PVT1: variants seen among roughly 807,000 people sequenced by gnomAD.
PVT1 encodes CXCR4/PVT1 fusion.
chr8:128,082,026 G>A (rs1220924782), intron 5 of PVT1, among the ~76,000 whole-genome samples: 5 of 152,238 alleles, frequency 3.3e-5, no homozygotes, highest in Middle Eastern at 3.4e-3. Context: ...GCCCAAAGAC[G>A]CCCAAAATGG....
chr8:127,842,456 G>A (rs946749980), intron 2 of PVT1, among the ~76,000 whole-genome samples: 1 of 151,742 alleles, frequency 6.6e-6, no homozygotes, highest in African/African-American at 2.4e-5. Context: ...TGTAGAGATA[G>A]GGTCTCTCTT....
chr8:127,955,062 C>T, intron 3 of PVT1, among the ~76,000 whole-genome samples: 1 of 152,126 alleles, frequency 6.6e-6, no homozygotes. Context: ...GTGCCAAGGA[C>T]CTCAGAATAT....
At chr8:127,825,887 G>A (rs1219703964) in intron 2 of PVT1, among the ~76,000 whole-genome samples, 2 of 151,896 alleles carry the variant, frequency 1.3e-5, no homozygotes, top group Non-Finnish European at 2.9e-5. Context: ...GTCTTACTCT[G>A]TTGCCCAAGC....
At chr8:127,964,832 T>C (rs907259275) in intron 3 of PVT1, among the ~76,000 whole-genome samples, 1 of 150,228 alleles carries the variant, frequency 6.7e-6, no homozygotes, top group East Asian at 1.9e-4. Flanking sequence ...TATTATTTTA[T>C]TGATTTATTT....
At chr8:127,799,428 G>T (rs1814436908) in intron 2 of PVT1, among the ~76,000 whole-genome samples, 1 of 152,138 alleles carries the variant, frequency 6.6e-6, no homozygotes, top group Non-Finnish European at 1.5e-5. Flanking sequence ...AAAAAATAAA[G>T]AAAGAACTGC....
At chr8:128,001,655 G>A (rs911900576) in intron 4 of PVT1, among the ~76,000 whole-genome samples, 10 of 152,188 alleles carry the variant, frequency 6.6e-5, no homozygotes, top group Non-Finnish European at 1.5e-4. Flanking sequence ...TTGCTCCCAT[G>A]TTCATCCATG....
At chr8:127,954,071 T>G (rs1250435022) in intron 3 of PVT1, among the ~76,000 whole-genome samples, 4 of 152,200 alleles carry the variant, frequency 2.6e-5, no homozygotes, top group Admixed American at 2.0e-4. Context: ...CATGGACTTT[T>G]GCCACTGCTT....
intron 6 of PVT1, among the ~76,000 whole-genome samples, chr8:128,098,493 G>A (rs945378681): frequency 6.6e-5 from 10 of 152,188 alleles, no homozygotes; most frequent in Non-Finnish European, 1.0e-4. Context: ...ATCCGGTTGC[G>A]GCCTCTCGGC....
chr8:128,012,998 G>T (rs1344852700), intron 4 of PVT1, among the ~76,000 whole-genome samples: 2 of 152,160 alleles, frequency 1.3e-5, no homozygotes, highest in African/African-American at 4.8e-5. Context: ...GCATGAAGGG[G>T]CCTGCTATGT....
rs182758126 is a variant in PVT1, at chr8:128,067,677, G to A, written n.913-2483G>A. Among the ~76,000 whole-genome samples, 151 of 152,202 alleles carry A rather than the reference G, an allele frequency of 9.9e-4. 1 individual carries two copies. Among genetic ancestry groups the A allele is most frequent in the African/African-American group, 3.5e-3 (146 of 41,540 alleles). On this transcript the variant is annotated intron_variant and non_coding_transcript_variant, in intron 4 of 10. Transcript: ENST00000651587. Reference sequence around the variant, plus strand: ...CAGAGGAGCCAGAGGAATGCTCTGTGGAGATCCCAACCCAGGCCTGGGCTG... The same window carrying A: ...CAGAGGAGCCAGAGGAATGCTCTGTAGAGATCCCAACCCAGGCCTGGGCTG...
chr8:128,049,709 A>G (rs1339911997), intron 4 of PVT1, among the ~76,000 whole-genome samples: 3 of 152,294 alleles, frequency 2.0e-5, no homozygotes, highest in Non-Finnish European at 2.9e-5. Context: ...CAGGGGGCCT[A>G]TCCTTCCACT....
intron 3 of PVT1, among the ~76,000 whole-genome samples, chr8:127,920,626 T>C (rs1816045427): frequency 2.0e-5 from 3 of 152,250 alleles, no homozygotes; most frequent in Admixed American, 2.0e-4. Context: ...TACTACTAGT[T>C]GATTTATGTG....
intron 2 of PVT1, among the ~76,000 whole-genome samples, chr8:127,876,595 G>C (rs982396510): frequency 5.9e-5 from 9 of 151,708 alleles, no homozygotes; most frequent in African/African-American, 2.2e-4. Context: ...GATGATATTA[G>C]CATTACCCGT....
chr8:127,855,476 G>A (rs1172717950), intron 2 of PVT1, among the ~76,000 whole-genome samples: 1 of 152,212 alleles, frequency 6.6e-6, no homozygotes, highest in African/African-American at 2.4e-5. Flanking sequence ...CCCTCCTTTA[G>A]TCAGGTGGCT....
intron 2 of PVT1, among the ~76,000 whole-genome samples, chr8:127,860,465 C>G (rs1264813876): frequency 1.3e-5 from 2 of 152,042 alleles, no homozygotes; most frequent in Admixed American, 6.6e-5. Flanking sequence ...ATAGGCAGCC[C>G]TGTAGAGAAG....
intron 3 of PVT1, among the ~76,000 whole-genome samples, chr8:127,923,169 G>A (rs1346782743): frequency 6.6e-6 from 1 of 152,254 alleles, no homozygotes; most frequent in African/African-American, 2.4e-5. Context: ...GACAAGTGAG[G>A]TTTAGAGTTA....
At chr8:127,896,806 A>G (rs925052752) in intron 3 of PVT1, among the ~76,000 whole-genome samples, 6 of 134,700 alleles carry the variant, frequency 4.5e-5, no homozygotes, top group South Asian at 2.8e-4. Flanking sequence ...ACAGGCCCCA[A>G]TGTGCTCAAG....
At position 127,844,654 on chromosome 8, in the gene PVT1, TC is replaced by T. The variant is rs1487188145; in HGVS notation, n.373-45933del. ...CTCTTGCATCAGAATTCCTGTCTCATCCACTCGACTGAACTTCTTGGGTAGG... is the reference window on the plus strand; with the variant it reads ...CTCTTGCATCAGAATTCCTGTCTCATCACTCGACTGAACTTCTTGGGTAGG... On this transcript the variant is annotated intron_variant and non_coding_transcript_variant, in intron 2 of 10. Transcript: ENST00000651587. Among the ~76,000 whole-genome samples, 3 of 152,158 alleles carry T rather than the reference TC, an allele frequency of 2.0e-5. No individual in the cohort carries two copies. The East Asian group carries it at 5.8e-4, about 29-fold the overall frequency.
chr8:127,894,060 G>C (rs1456361433), intron 3 of PVT1, among the ~76,000 whole-genome samples: 2 of 152,208 alleles, frequency 1.3e-5, no homozygotes, highest in Non-Finnish European at 2.9e-5. Flanking sequence ...GAAGAGCCCT[G>C]TTATCCCTGA....
Sources: allele counts gnomAD v4.1 joint callset (sites outside exome capture counted in the v4.1 genomes callset), GRCh38; gene constraint gnomAD v4.1.1; transcripts MANE v1.5; gene names NCBI Gene and HGNC (gene_info 2026-07-23, HGNC 2026-07-21).